The following SCN1A variants were observed in gnomAD, a reference collection of about 807,000 sequenced individuals.
SCN1A encodes the protein sodium voltage-gated channel alpha subunit 1, also known as sodium channel protein type 1 subunit alpha.
A neutral mutation model predicts 193.7 loss-of-function variants in SCN1A; 13 were observed. That is an observed-to-expected ratio of 0.07 (90% CI 0.04 to 0.11). The LOEUF (loss-of-function observed/expected upper bound fraction) is 0.11. Among genes scored for constraint, SCN1A ranks in the 10% least tolerant of loss-of-function variants. The probability of loss-of-function intolerance (pLI) is 1.00; values close to 1 mark genes in which losing one functional copy is unlikely to be tolerated. For missense variants in SCN1A, 1,432 were observed against 2,451.1 expected, an observed-to-expected ratio of 0.58 and a Z score of 8.78; for synonymous variants, 781 against 843.6, an observed-to-expected ratio of 0.93 and a Z score of 1.29.
chr2:166,104,884 G>A (rs998857105), intron 2 of SCN1A, among the ~76,000 whole-genome samples: 1 of 152,208 alleles, frequency 6.6e-6, no homozygotes, highest in African/African-American at 2.4e-5. Context: ...TTGTAAGAAA[G>A]CACAGGAATG....
At chr2:166,069,228 A>G (rs918181720) in intron 4 of SCN1A, among the ~76,000 whole-genome samples, 6 of 152,208 alleles carry the variant, frequency 3.9e-5, no homozygotes, top group Non-Finnish European at 5.9e-5. Context: ...CCATATTATG[A>G]TAGCATTTTT....
At position 166,018,592 on chromosome 2, in the gene SCN1A, G is replaced by A. The variant is rs1693615755; in HGVS notation, c.3430-2865C>T. On this transcript the variant is annotated intron_variant, in intron 19 of 28. Coordinates refer to ENST00000674923, the MANE Select transcript of SCN1A (RefSeq NM_001165963.4). ...CATGTAGATTTATGGTTCTTCTGAT[G>A]TTTTTTCATTAGAGTCTCAATTCAC... Among the ~76,000 whole-genome samples the A allele has an allele frequency of 2.0e-5, 3 of 151,978 alleles. No homozygotes were observed. In the East Asian group the frequency reaches 5.8e-4, roughly 29 times the overall value.
chr2:165,993,206 TGTGTGAGAGAGA>T (rs944746511), intron 28 of SCN1A: 7 of 142,914 alleles, frequency 4.9e-5, no homozygotes, highest in African/African-American at 1.9e-4. Context: ...TGTGTGTGTG[TGTGTGAGAGAGA>T]GAGAGAGAGA....
chr2:165,991,892 C>G lies in SCN1A; in HGVS notation c.5383G>C (p.Glu1795Gln), dbSNP rs121918813. The G allele has an allele frequency of 1.9e-6, 3 of 1,613,960 alleles. No homozygotes were observed. The highest frequency in any genetic ancestry group is 2.2e-5 in the South Asian group (2 of 91,078). The change falls in exon 29 of 29, where the codon GAA (glutamate) becomes CAA (glutamine). Residue 1795 changes from glutamate (E) to glutamine (Q), a missense_variant. Physicochemically the swap from Glu to Gln is conservative, Grantham distance 29 (BLOSUM62 2). Transcript: ENST00000674923. ...TCCTCACTCAGAGGCTCTGCACTTT[C>G]TTCAGTAGCAACACTGAAGTTCTCC... ...ILENFSVATE[E>Q]SAEPLSEDDF...
At position 166,073,553 on chromosome 2, in the gene SCN1A, C is replaced by T. The variant is rs780729477; in HGVS notation, c.69G>A (p.Ala23=). ...SFNFFTRESL[A]AIERRIAEEK... ...CTTCTGCAATGCGTCTTTCAATAGC[C>T]GCAAGAGATTCTCTGGTGAAGAAGT... The change falls in exon 4 of 29, where the codon GCG becomes GCA. Residue 23 remains alanine (A), a synonymous_variant. Transcript: ENST00000674923. 3.8e-5 allele frequency: 62 copies of T among 1,614,076 alleles called. No individual in the cohort carries two copies. In the East Asian group the frequency reaches 6.0e-4, roughly 16 times the overall value.
At chr2:166,004,376 G>A (rs184131586) in intron 23 of SCN1A, among the ~76,000 whole-genome samples, 1 of 151,520 alleles carries the variant, frequency 6.6e-6, no homozygotes, top group East Asian at 2.0e-4. Context: ...GCAGAACACT[G>A]ATTATCTATA....
intron 8 of SCN1A, 99 bp downstream of exon 8, chr2:166,052,753 A>T: frequency 1.0e-6 from 1 of 969,438 alleles, no homozygotes; most frequent in East Asian, 2.6e-5. Flanking sequence ...TGAAACACCT[A>T]GTCTTATGAT....
chr2:166,147,808 G>A (rs2106312378), intron 1 of SCN1A, among the ~76,000 whole-genome samples: 1 of 152,266 alleles, frequency 6.6e-6, no homozygotes, highest in Admixed American at 6.5e-5. Flanking sequence ...AATAATCAAT[G>A]TGCTGCTGTT....
At chr2:166,003,179 G>A (rs1691175648) in intron 23 of SCN1A, among the ~76,000 whole-genome samples, 1 of 151,250 alleles carries the variant, frequency 6.6e-6, no homozygotes, top group Non-Finnish European at 1.5e-5. Context: ...GAGTTGATTT[G>A]ACCAATATAT....
chr2:166,037,236 C>T (rs1203717985), intron 18 of SCN1A, among the ~76,000 whole-genome samples: 1 of 152,160 alleles, frequency 6.6e-6, no homozygotes, highest in Non-Finnish European at 1.5e-5. Context: ...CTGATGAACT[C>T]AGGTTGGCTA....
In SCN1A at chr2:166,007,620, C is replaced by A. The variant is rs1691831125; in HGVS notation, c.4002+2099G>T. On this transcript the variant is annotated intron_variant, in intron 23 of 28. Transcript: ENST00000674923. ...AAATGTGCATAAAACATGCAAAACA[C>A]AAAGTGCAACGTGATGATAATTTAT... 6.6e-6 allele frequency among the ~76,000 whole-genome samples: 1 copy of A among 151,300 alleles called. No homozygotes were observed. The highest frequency in any genetic ancestry group is 1.5e-5 in the Non-Finnish European group (1 of 67,516).
At position 166,042,287 on chromosome 2, in the gene SCN1A, C is replaced by A. The variant is rs1390939633; in HGVS notation, c.2176+5G>T. On this transcript the variant is annotated splice_donor_5th_base_variant and intron_variant, in intron 15 of 28. Transcript: ENST00000674923. The stretch of plus-strand genomic sequence containing the variant: ...ATTGAAACGAAAATAGAATTTGTTA[C>A]CAACCTTCTACTGTATTTGTTAGAA... 1 of 1,611,298 alleles carries A rather than the reference C, an allele frequency of 6.2e-7. No homozygotes were observed. The highest frequency in any genetic ancestry group is 2.2e-5 in the East Asian group (1 of 44,772).
chr2:166,047,073 T>C (rs1441846767), intron 11 of SCN1A, 97 bp from the exon 12 acceptor site: 1 of 1,344,690 alleles, frequency 7.4e-7, no homozygotes, highest in Non-Finnish European at 1.1e-6. Flanking sequence ...AACTCAGATA[T>C]AAATAGTAAT....
At chr2:166,101,476 A>T (rs1688067117) in intron 2 of SCN1A, among the ~76,000 whole-genome samples, 1 of 144,962 alleles carries the variant, frequency 6.9e-6, no homozygotes, top group African/African-American at 2.6e-5. Flanking sequence ...AACCTGCACA[A>T]TGTGCACATG....
In SCN1A at chr2:166,054,848, AATAG is replaced by A. The variant is rs908863792; in HGVS notation, c.474-86_474-83del. On this transcript the variant is annotated intron_variant, in intron 6 of 28. Coordinates refer to ENST00000674923, the MANE Select transcript of SCN1A (RefSeq NM_001165963.4). ...CAATTTCTTATCACTCCATCAGTGG[AATAG>A]ATAAATACTAAAAAAGAAAACTAAG... is the stretch of plus-strand genomic sequence containing the variant. 8 of 1,252,140 alleles carry A rather than the reference AATAG, an allele frequency of 6.4e-6. No homozygotes were observed. In the African/African-American group the frequency reaches 1.0e-4, roughly 16 times the overall value. The allele number at this position is 1,252,140 out of a possible 1,614,324, so 77.6% of individuals were successfully genotyped here.
chr2:166,046,317 A>T (rs1205863437), intron 12 of SCN1A, among the ~76,000 whole-genome samples: 2 of 152,134 alleles, frequency 1.3e-5, no homozygotes, highest in African/African-American at 2.4e-5. Context: ...ATATTATTTG[A>T]TCACTTCCTT....
At chr2:166,126,161 GTAAA>G (rs1691223114) in intron 2 of SCN1A, among the ~76,000 whole-genome samples, 1 of 152,060 alleles carries the variant, frequency 6.6e-6, no homozygotes, top group Non-Finnish European at 1.5e-5. Context: ...TTGGTTTCCC[GTAAA>G]TCTCTGTGGC....
At position 166,036,348 on chromosome 2, in the gene SCN1A, C is replaced by A. The variant is rs761408574; in HGVS notation, c.3129G>T (p.Lys1043Asn). ...FIQQSFIRKQKILDEIKPLDD... is the reference protein window; with the variant it reads ...FIQQSFIRKQNILDEIKPLDD... ...CAAGTGGTTTAATTTCATCTAAAAT[C>A]TTTTGTTTCCTAATGAAGGACTGTT... The change falls in exon 19 of 29, where the codon AAG becomes AAT. Residue 1043 changes from lysine (K) to asparagine (N), a missense_variant. Physicochemically the swap from Lys to Asn is moderately conservative, Grantham distance 94. Transcript: ENST00000674923. 8 of 1,608,918 alleles carry A rather than the reference C, an allele frequency of 5.0e-6. No individual in the cohort carries two copies. Among genetic ancestry groups the A allele is most frequent in the Admixed American group, 3.4e-5 (2 of 59,104 alleles).
At chr2:166,136,270 G>A (rs915030037) in intron 1 of SCN1A, among the ~76,000 whole-genome samples, 1 of 152,136 alleles carries the variant, frequency 6.6e-6, no homozygotes, top group Non-Finnish European at 1.5e-5. Flanking sequence ...CATAGGGGAT[G>A]TGACCCCTGA....
Sources: allele counts gnomAD v4.1 joint callset (sites outside exome capture counted in the v4.1 genomes callset), GRCh38; gene constraint gnomAD v4.1.1; transcripts MANE v1.5; gene names NCBI Gene and HGNC (gene_info 2026-07-23, HGNC 2026-07-21).